The following USP26 variants were observed in gnomAD, a reference collection of about 807,000 sequenced individuals.
The protein encoded by USP26 is ubiquitin carboxyl-terminal hydrolase 26.
For synonymous variants in USP26, 236 were observed against 240.6 expected (o/e 0.98, Z 0.18); for missense variants, 649 against 642.3 (o/e 1.01, Z -0.11).
intron 1 of USP26, among the ~76,000 whole-genome samples, chrX:133,096,459 C>T (rs187548985): frequency 0.018 from 1,975 of 111,038 alleles, 23 homozygotes; most frequent in Non-Finnish European, 0.028. Context: ...ATGAAAGAAC[C>T]GACTCCAAAA....
At chrX:133,080,106 T>C (rs2067564858) in intron 5 of USP26, among the ~76,000 whole-genome samples, 1 of 111,577 alleles carries the variant, frequency 9.0e-6, no homozygotes, top group African/African-American at 3.3e-5. Flanking sequence ...TTACTGTGGA[T>C]AGTCTGATGA....
chrX:133,036,122 T>TA (rs752681915), intron 5 of USP26, among the ~76,000 whole-genome samples: 2 of 106,606 alleles, frequency 1.9e-5, no homozygotes, highest in Non-Finnish European at 3.9e-5. Context: ...CTAAAAAAAA[T>TA]TATATATATA....
Position 133,028,357 on chromosome X carries a change from T to C in USP26, c.-76-61A>G, listed in dbSNP as rs145047935. 527 of 761,592 alleles carry C rather than the reference T, an allele frequency of 6.9e-4. 4 individuals are homozygous for C. In the East Asian group the frequency reaches 0.018, roughly 26 times the overall value. The allele number at this position is 761,592 out of a possible 1,213,427, so 62.8% of individuals were successfully genotyped here. ...TCTCTACACAGAATGATCCTATTTCTAGTATTGGTTTTATACTAGAGTCTA... is the reference window on the plus strand; with the variant it reads ...TCTCTACACAGAATGATCCTATTTCCAGTATTGGTTTTATACTAGAGTCTA... On this transcript the variant is annotated intron_variant, in intron 5 of 5. Transcript: ENST00000511190.
At chrX:133,086,743 C>T (rs1405109443) in intron 4 of USP26, among the ~76,000 whole-genome samples, 2 of 109,720 alleles carry the variant, frequency 1.8e-5, no homozygotes, top group African/African-American at 6.6e-5. Flanking sequence ...GAAACGCCAT[C>T]TCTACTAAAA....
At chrX:133,094,832 C>T (rs190143277) in intron 1 of USP26, among the ~76,000 whole-genome samples, 5 of 111,503 alleles carry the variant, frequency 4.5e-5, no homozygotes, top group African/African-American at 9.8e-5. Flanking sequence ...CAGTGGCTCA[C>T]GCCTGTAATC....
At chrX:133,050,717 G>A (rs2067456399) in intron 5 of USP26, among the ~76,000 whole-genome samples, 1 of 111,781 alleles carries the variant, frequency 8.9e-6, no homozygotes, top group African/African-American at 3.2e-5. Context: ...CTTAGTGTCT[G>A]CTCTGCTGCT....
rs995211991 is a variant in USP26 at position 133,027,044 on chromosome X, G to A, written c.1177C>T (p.Gln393Ter). ...AGTTTTTCCATGTTATCTTTCAGTT[G>A]ATCTAAACAGTGAGCTAAAAACTCA... ...AHEFLAHCLD[Q>*]LKDNMEKLNT... The change falls in exon 6 of 6, where the codon CAA (glutamine) becomes TAA (stop). Residue 393 changes from glutamine to a stop codon, truncating the protein, a stop_gained. Coordinates refer to ENST00000511190, the MANE Select transcript of USP26 (RefSeq NM_031907.3). LOFTEE classifies it low-confidence loss of function (END_TRUNC). 3 of 1,211,376 alleles carry A rather than the reference G, an allele frequency of 2.5e-6. No homozygotes were observed. Among genetic ancestry groups the A allele is most frequent in the Admixed American group, 2.2e-5 (1 of 45,963 alleles).
At chrX:133,065,564 G>A (rs1292551608) in intron 5 of USP26, among the ~76,000 whole-genome samples, 2 of 112,055 alleles carry the variant, frequency 1.8e-5, no homozygotes, top group African/African-American at 3.2e-5. Context: ...TGCAAGGCTA[G>A]TTCAATATAC....
chrX:133,069,845 C>G (rs1182172657), intron 5 of USP26, among the ~76,000 whole-genome samples: 1 of 111,328 alleles, frequency 9.0e-6, no homozygotes, highest in Middle Eastern at 4.3e-3. Context: ...TCTTGACAAC[C>G]ATGAAATGTA....
chrX:133,051,626 A>G (rs1156767374), intron 5 of USP26, among the ~76,000 whole-genome samples: 2 of 112,156 alleles, frequency 1.8e-5, no homozygotes, highest in African/African-American at 3.2e-5. Context: ...GCAAGGTAAA[A>G]TGAAAGATCA....
rs1263826230 is a variant in USP26, at chrX:133,033,816, A to G, written c.-76-5520T>C. ...CATTAACTATGGTCCATATCCAAAC[A>G]TGAAGCAGTAAAATATTCCTGACCT... On this transcript the variant is annotated intron_variant, in intron 5 of 5. Coordinates refer to ENST00000511190, the MANE Select transcript of USP26 (RefSeq NM_031907.3). Among the ~76,000 whole-genome samples the G allele has an allele frequency of 2.7e-5, 3 of 112,298 alleles. No individual in the cohort carries two copies. The East Asian group carries it at 8.4e-4, about 31-fold the overall frequency.
At chrX:133,088,545 G>C (rs1365318763) in intron 4 of USP26, among the ~76,000 whole-genome samples, 4 of 111,225 alleles carry the variant, frequency 3.6e-5, no homozygotes, top group East Asian at 2.8e-4. Context: ...ACCAGTCCAC[G>C]GCCCGGAGTT....
chrX:133,058,805 T>G (rs1483476623), intron 5 of USP26, among the ~76,000 whole-genome samples: 1 of 111,252 alleles, frequency 9.0e-6, no homozygotes, highest in Non-Finnish European at 1.9e-5. Context: ...TTTATTGTTC[T>G]TTATCTTTCT....
chrX:133,051,578 T>C (rs2067459322), intron 5 of USP26, among the ~76,000 whole-genome samples: 1 of 111,883 alleles, frequency 8.9e-6, no homozygotes. Flanking sequence ...AAAGTCATTT[T>C]AGATTAGTTG....
At chrX:133,028,837 A>G (rs780175252) in intron 5 of USP26, among the ~76,000 whole-genome samples, 10 of 111,998 alleles carry the variant, frequency 8.9e-5, no homozygotes, top group Non-Finnish European at 1.7e-4. Context: ...GATCTCATAT[A>G]TGGGCCACTC....
chrX:133,039,341 C>A (rs988670332), intron 5 of USP26, among the ~76,000 whole-genome samples: 1 of 111,855 alleles, frequency 8.9e-6, no homozygotes, highest in African/African-American at 3.3e-5. Flanking sequence ...TTAGCTGTGT[C>A]CCAGAGATTC....
chrX:133,065,390 C>A (rs2067507965), intron 5 of USP26, among the ~76,000 whole-genome samples: 1 of 111,751 alleles, frequency 8.9e-6, no homozygotes, highest in African/African-American at 3.3e-5. Context: ...AGGCCAGCAT[C>A]AACCTGATAC....
At chrX:133,057,156 T>C (rs1207582203) in intron 5 of USP26, among the ~76,000 whole-genome samples, 1 of 111,857 alleles carries the variant, frequency 8.9e-6, no homozygotes. Context: ...GGTATACATG[T>C]GCCATAGTGG....
chrX:133,056,788 T>C (rs764091331), intron 5 of USP26, among the ~76,000 whole-genome samples: 1 of 112,026 alleles, frequency 8.9e-6, no homozygotes, highest in East Asian at 2.8e-4. Context: ...AGTCTTCACC[T>C]TGAAAAATTT....
Sources: gnomAD v4.1 joint callset for allele counts (sites outside exome capture counted in the v4.1 genomes callset) on GRCh38, gnomAD v4.1.1 for gene constraint, MANE v1.5 for transcripts, NCBI Gene and HGNC (gene_info 2026-07-23, HGNC 2026-07-21) for gene names.